Variants in CDH12 observed in about 807,000 individuals in gnomAD.
CDH12 encodes cadherin-12.
CDH12 carries 41 observed loss-of-function variants against 74.1 expected under a neutral mutation model. That is an observed-to-expected ratio of 0.55 (90% CI 0.43 to 0.72). The LOEUF (loss-of-function observed/expected upper bound fraction) is 0.72, where lower values mean the gene tolerates loss of function less well. CDH12 is among the 30% of genes least tolerant of loss of function. CDH12 has a pLI of 0.00. For missense variants in CDH12, 945 were observed against 977.2 expected, an observed-to-expected ratio of 0.97 and a Z score of 0.44; for synonymous variants, 399 against 355.0, an observed-to-expected ratio of 1.12 and a Z score of -1.39.
chr5:21,924,804 T>G (rs2150075218), intron 6 of CDH12, among the ~76,000 whole-genome samples: 1 of 152,286 alleles, frequency 6.6e-6, no homozygotes, highest in African/African-American at 2.4e-5. Flanking sequence ...TATCTACAAT[T>G]ATTCAAATGT....
intron 1 of CDH12, among the ~76,000 whole-genome samples, chr5:22,634,357 G>T (rs921668793): frequency 1.3e-5 from 2 of 151,996 alleles, no homozygotes; most frequent in African/African-American, 2.4e-5. Context: ...AAATTAGGTT[G>T]CAAGACACAA....
chr5:22,606,462 G>A (rs185030011), intron 1 of CDH12, among the ~76,000 whole-genome samples: 1 of 152,252 alleles, frequency 6.6e-6, no homozygotes, highest in East Asian at 1.9e-4. Context: ...TGAATCATGG[G>A]AGCAGTTTTC....
chr5:22,819,522 A>T (rs1561053675), intron 1 of CDH12, among the ~76,000 whole-genome samples: 1 of 152,106 alleles, frequency 6.6e-6, no homozygotes, highest in African/African-American at 2.4e-5. Context: ...CCAGAAAAGA[A>T]ATGCAAATTT....
chr5:21,892,636 T>G (rs1752946657), intron 6 of CDH12, among the ~76,000 whole-genome samples: 1 of 152,246 alleles, frequency 6.6e-6, no homozygotes, highest in African/African-American at 2.4e-5. Flanking sequence ...TTTTAATAAA[T>G]ATATAAAGTT....
intron 4 of CDH12, among the ~76,000 whole-genome samples, chr5:22,115,841 G>A (rs1297783077): frequency 6.6e-6 from 1 of 151,916 alleles, no homozygotes; most frequent in African/African-American, 2.4e-5. Context: ...ACAGGCACAT[G>A]CCACCACACC....
intron 5 of CDH12, among the ~76,000 whole-genome samples, chr5:22,026,399 C>G (rs960906256): frequency 6.6e-6 from 1 of 152,132 alleles, no homozygotes; most frequent in Admixed American, 6.6e-5. Context: ...TAAAATTTGA[C>G]CAACTGCTAA....
chr5:22,384,178 A>T (rs990009809), intron 3 of CDH12, among the ~76,000 whole-genome samples: 1 of 152,214 alleles, frequency 6.6e-6, no homozygotes, highest in South Asian at 2.1e-4. Flanking sequence ...TACTATATGC[A>T]TACTGTAGTG....
chr5:22,743,160 G>T (rs1745111768), intron 1 of CDH12, among the ~76,000 whole-genome samples: 1 of 151,450 alleles, frequency 6.6e-6, no homozygotes, highest in Admixed American at 6.6e-5. Context: ...CAGACTCAGA[G>T]GAACTCTGAG....
intron 1 of CDH12, among the ~76,000 whole-genome samples, chr5:22,662,415 G>A (rs1333288744): frequency 6.6e-6 from 1 of 152,152 alleles, no homozygotes; most frequent in African/African-American, 2.4e-5. Flanking sequence ...ACTGGGAAAT[G>A]TGGTTTGGTA....
intron 1 of CDH12, among the ~76,000 whole-genome samples, chr5:22,521,890 T>C (rs1453934797): frequency 6.6e-6 from 1 of 152,302 alleles, no homozygotes; most frequent in African/African-American, 2.4e-5. Flanking sequence ...TCCTACCTTA[T>C]ATAAGACTCA....
At chr5:22,774,985 A>G (rs1014770586) in intron 1 of CDH12, among the ~76,000 whole-genome samples, 3 of 151,942 alleles carry the variant, frequency 2.0e-5, no homozygotes, top group Non-Finnish European at 2.9e-5. Context: ...GTTCTAAAAT[A>G]AAAGTCACAA....
chr5:21,925,187 C>T (rs1429059980), intron 6 of CDH12, among the ~76,000 whole-genome samples: 1 of 152,154 alleles, frequency 6.6e-6, no homozygotes, highest in Non-Finnish European at 1.5e-5. Context: ...AATCTTCCTA[C>T]AAATCACAAT....
chr5:21,764,664 A>AG (rs1263128407), intron 12 of CDH12, among the ~76,000 whole-genome samples: 10 of 150,966 alleles, frequency 6.6e-5, no homozygotes, highest in South Asian at 2.1e-4. Flanking sequence ...AAAAAAAAAA[A>AG]AAAAGAAAAG....
chr5:22,665,363 A>G (rs1740562467), intron 1 of CDH12, among the ~76,000 whole-genome samples: 2 of 152,196 alleles, frequency 1.3e-5, no homozygotes, highest in South Asian at 4.2e-4. Context: ...GAAGGATTTA[A>G]GAGACTTAAG....
chr5:22,213,865 T>G (rs376832944), intron 3 of CDH12: 1 of 152,176 alleles, frequency 6.6e-6, no homozygotes, highest in South Asian at 2.1e-4. Flanking sequence ...AGCACTTTTG[T>G]TTTTTTCCAG....
At position 22,522,520 on chromosome 5, in the gene CDH12, T is replaced by G. The variant is rs1211754228; in HGVS notation, c.-522-17156A>C. On this transcript the variant is annotated intron_variant, in intron 1 of 14. Coordinates refer to ENST00000382254, the MANE Select transcript of CDH12 (RefSeq NM_004061.5). ...AGTCGGATTCTCTGTATTTCATTGT[T>G]GTTGTCCTCCAAACTGAGATTTTCT... Among the ~76,000 whole-genome samples the G allele has an allele frequency of 2.6e-5, 4 of 152,260 alleles. No homozygotes were observed. In the South Asian group the frequency reaches 6.2e-4, roughly 24 times the overall value.
intron 2 of CDH12, among the ~76,000 whole-genome samples, chr5:22,447,442 A>G (rs549284245): frequency 6.6e-6 from 1 of 152,230 alleles, no homozygotes; most frequent in African/African-American, 2.4e-5. Flanking sequence ...TGCATTGCTA[A>G]TGTCATCTCA....
chr5:21,856,034 A>G (rs1750738173), intron 6 of CDH12, among the ~76,000 whole-genome samples: 2 of 151,744 alleles, frequency 1.3e-5, no homozygotes, highest in South Asian at 4.1e-4. Context: ...AGCCTTTCCC[A>G]AGAAAAGAAA....
chr5:22,577,136 G>A (rs1191740647), intron 1 of CDH12, among the ~76,000 whole-genome samples: 1 of 152,108 alleles, frequency 6.6e-6, no homozygotes, highest in Non-Finnish European at 1.5e-5. Flanking sequence ...CAGGCGGCTT[G>A]GGGAGTACCC....
Sources: gnomAD v4.1 joint callset for allele counts (sites outside exome capture counted in the v4.1 genomes callset) on GRCh38, gnomAD v4.1.1 for gene constraint, MANE v1.5 for transcripts, NCBI Gene and HGNC (gene_info 2026-07-23, HGNC 2026-07-21) for gene names.